The following SLC40A1 variants were observed in gnomAD, a reference collection of about 807,000 sequenced individuals.
SLC40A1 encodes the protein ferroportin.
SLC40A1 carries 16 observed loss-of-function variants against 53.5 expected under a neutral mutation model. That is an observed-to-expected ratio of 0.30 (90% CI 0.20 to 0.45). The LOEUF (loss-of-function observed/expected upper bound fraction) is 0.45, where lower values mean the gene tolerates loss of function less well. Among genes scored for constraint, SLC40A1 ranks in the 20% least tolerant of loss-of-function variants. The pLI, the probability that SLC40A1 is intolerant of heterozygous loss-of-function variation, is 1.00. For missense variants in SLC40A1, 545 were observed against 695.4 expected (o/e 0.78, Z 2.43); for synonymous variants, 247 against 253.2 (o/e 0.98, Z 0.23).
intron 4 of SLC40A1, 49 bp downstream of exon 4, chr2:189,572,797 C>G: frequency 6.8e-6 from 9 of 1,313,926 alleles, no homozygotes; most frequent in Non-Finnish European, 9.9e-6. Flanking sequence ...TCCTTTACCA[C>G]TACCAGATAT....
Position 189,572,062 on chromosome 2 carries a change from T to C in SLC40A1, c.388-221A>G, listed in dbSNP as rs1009312662. Among the ~76,000 whole-genome samples, 6 of 152,088 alleles carry C rather than the reference T, an allele frequency of 3.9e-5. No homozygotes were observed. The East Asian group carries it at 9.8e-4, about 25-fold the overall frequency. On this transcript the variant is annotated intron_variant, in intron 4 of 7. Transcript: ENST00000261024. ...CCTGTATCATCTAGATCATCTGTAGTACACATAATACAAAAATTATAATAG... is the reference window on the plus strand; with the variant it reads ...CCTGTATCATCTAGATCATCTGTAGCACACATAATACAAAAATTATAATAG...
chr2:189,572,942 C>A lies in SLC40A1; in HGVS notation c.291G>T (p.Val97=). ...ARLKVAQTSL[V]VQNVSVILCG... ...ACAGGATGACTGAAACATTCTGTAC[C>A]ACCAGCGAGGTCTGGGCCACTGTGC... The change falls in exon 4 of 8, where the codon GTG becomes GTT. Residue 97 remains valine, a synonymous_variant. Transcript: ENST00000261024. 1 of 1,613,508 alleles carries A rather than the reference C, an allele frequency of 6.2e-7. No individual in the cohort carries two copies. The highest frequency in any genetic ancestry group is 8.5e-7 in the Non-Finnish European group (1 of 1,179,490).
At chr2:189,576,055 G>A (rs1309261912) in intron 2 of SLC40A1, among the ~76,000 whole-genome samples, 3 of 152,276 alleles carry the variant, frequency 2.0e-5, no homozygotes, top group East Asian at 1.9e-4. Context: ...CACAAACTCC[G>A]GAGAATATAG....
intron 5 of SLC40A1, among the ~76,000 whole-genome samples, chr2:189,569,976 A>G (rs964381572): frequency 4.1e-5 from 6 of 146,250 alleles, no homozygotes; most frequent in African/African-American, 5.0e-5. Context: ...ATATGTATGT[A>G]TATATATACA....
intron 5 of SLC40A1, among the ~76,000 whole-genome samples, chr2:189,569,293 C>T (rs1192624789): frequency 6.6e-6 from 1 of 152,168 alleles, no homozygotes; most frequent in African/African-American, 2.4e-5. Context: ...TGGGCATACC[C>T]CTCCCCTTTC....
chr2:189,580,695 G>T lies in SLC40A1; in HGVS notation c.-235C>A. 1 of 1,460,138 alleles carries T rather than the reference G, an allele frequency of 6.8e-7. No homozygotes were observed. The highest frequency in any genetic ancestry group is 9.0e-7 in the Non-Finnish European group (1 of 1,108,048). 90.4% of individuals were successfully genotyped at this position (1,460,138 alleles called of 1,614,324 possible). ...TAACACTGTAGCTGAAGTTGGAAAGGCAAAGCCTTATGGAAGCGGTTTGGG... is the reference window on the plus strand; with the variant it reads ...TAACACTGTAGCTGAAGTTGGAAAGTCAAAGCCTTATGGAAGCGGTTTGGG... On this transcript the variant is annotated 5_prime_UTR_variant, in exon 1 of 8. Transcript: ENST00000261024.
rs143976296 is a variant in SLC40A1, at chr2:189,580,545, G to C, written c.-85C>G. ...AGGTGCTTGTTAACAGGAGTGCAAG[G>C]AACTGGAGATAGCACCTCTAAAAAC... On this transcript the variant is annotated 5_prime_UTR_variant, in exon 1 of 8. Coordinates refer to ENST00000261024, the MANE Select transcript of SLC40A1 (RefSeq NM_014585.6). The C allele has an allele frequency of 1.4e-5, 22 of 1,606,632 alleles. No homozygotes were observed. Among genetic ancestry groups the C allele is most frequent in the Non-Finnish European group, 1.9e-5 (22 of 1,179,516 alleles).
chr2:189,564,273 T>C (rs1268513678), intron 6 of SLC40A1, 48 bp from the exon 7 acceptor site: 4 of 1,547,498 alleles, frequency 2.6e-6, no homozygotes, highest in Non-Finnish European at 2.7e-6. Context: ...CATGTAGAAA[T>C]AAAAGCCAAT....
intron 5 of SLC40A1, 21 bp downstream of exon 5, chr2:189,571,694 T>C (rs763897037): frequency 3.1e-6 from 5 of 1,611,814 alleles, no homozygotes; most frequent in Non-Finnish European, 4.2e-6. Flanking sequence ...CTCATTTCAT[T>C]AAAAGAGAAA....
chr2:189,563,752 A>G lies in SLC40A1; in HGVS notation c.1234T>C (p.Phe412Leu), dbSNP rs2030834319. ...GGTGTAATTGACTCTCCTTGAATGA[A>G]CCTTGATCGGATATCTTCAAAAGGA... ...VSPFEDIRSR[F>L]IQGESITPTK... Residue 412 changes from phenylalanine to leucine, a missense_variant, in exon 7 of 8, where the codon TTC becomes CTC. This residue lies in a region of SLC40A1 where 234 missense variants were observed against 299.0 expected (regional missense o/e 0.78). Coordinates refer to ENST00000261024, the MANE Select transcript of SLC40A1 (RefSeq NM_014585.6). The G allele has an allele frequency of 1.9e-6, 3 of 1,614,030 alleles. No homozygotes were observed. The highest frequency in any genetic ancestry group is 2.7e-5 in the African/African-American group (2 of 74,892).
At chr2:189,569,786 A>G (rs1385355045) in intron 5 of SLC40A1, among the ~76,000 whole-genome samples, 2 of 152,224 alleles carry the variant, frequency 1.3e-5, no homozygotes, top group South Asian at 4.1e-4. Flanking sequence ...AAAACATCAG[A>G]AAGTTAGAAA....
rs1424266313 is a variant in SLC40A1 at position 189,561,556 on chromosome 2, A to G, written c.*322T>C. The G allele has an allele frequency of 1.1e-5, 3 of 283,560 alleles. No individual in the cohort carries two copies. The East Asian group carries it at 2.4e-4, about 23-fold the overall frequency. The allele number at this position is 283,560 out of a possible 1,614,324, so 17.6% of individuals were successfully genotyped here. A position where few individuals can be genotyped will look rare whatever the true frequency, so the allele number is the denominator to read the frequency against. ...AGTACAGATAAGAATCTGTCAAATG[A>G]TAACTGAATTCACGTGACTAACCAC... On this transcript the variant is annotated 3_prime_UTR_variant, in exon 8 of 8. Transcript: ENST00000261024.
chr2:189,567,947 G>A lies in SLC40A1; in HGVS notation c.515-2348C>T, dbSNP rs572941007. On this transcript the variant is annotated intron_variant, in intron 5 of 7. Transcript: ENST00000261024. Reference sequence around the variant, plus strand: ...TCAATAATTGGAATCCAAAAAGCAAGTAACTAAAGAAAACATATATTTGAA... The same window carrying A: ...TCAATAATTGGAATCCAAAAAGCAAATAACTAAAGAAAACATATATTTGAA... Among the ~76,000 whole-genome samples, 7 of 152,208 alleles carry A rather than the reference G, an allele frequency of 4.6e-5. No homozygotes were observed. In the South Asian group the frequency reaches 1.2e-3, roughly 27 times the overall value.
At chr2:189,562,299 T>A (rs1266717952) in intron 7 of SLC40A1, 108 bp from the exon 8 acceptor site, 1 of 827,158 alleles carries the variant, frequency 1.2e-6, no homozygotes, top group East Asian at 2.7e-5. Context: ...TTAGCCTGAC[T>A]GTCTTTAAGT....
intron 5 of SLC40A1, among the ~76,000 whole-genome samples, chr2:189,566,041 CGTGT>C (rs371020904): frequency 3.5e-4 from 52 of 150,098 alleles, no homozygotes; most frequent in Admixed American, 6.0e-4. Context: ...TGTGTGTGTG[CGTGT>C]GTGTGTGTGT....
At chr2:189,576,801 A>T (rs1312632133) in intron 2 of SLC40A1, among the ~76,000 whole-genome samples, 1 of 152,190 alleles carries the variant, frequency 6.6e-6, no homozygotes. Flanking sequence ...GTTAAGAAAC[A>T]CTTTTCTAAT....
chr2:189,574,948 AT>A (rs1245704426), intron 3 of SLC40A1, among the ~76,000 whole-genome samples: 1 of 152,210 alleles, frequency 6.6e-6, no homozygotes, highest in African/African-American at 2.4e-5. Context: ...ATACAAAAAA[AT>A]CTATTAGGTC....
intron 5 of SLC40A1, among the ~76,000 whole-genome samples, chr2:189,570,583 C>A (rs979154312): frequency 6.6e-6 from 1 of 152,182 alleles, no homozygotes; most frequent in Non-Finnish European, 1.5e-5. Flanking sequence ...CAGATTCACA[C>A]ATGCTAAATT....
Position 189,575,173 on chromosome 2 carries a change from C to T in SLC40A1, c.259G>A (p.Ala87Thr), listed in dbSNP as rs776750415. The change falls in exon 3 of 8, where the codon GCT becomes ACT. Residue 87 changes from alanine to threonine, a missense_variant. Ala to Thr is a moderately conservative substitution (Grantham distance 58, BLOSUM62 0). Around this residue, in one of 4 missense-constraint regions of SLC40A1, gnomAD observed 197 missense variants for 278.8 expected, o/e 0.71. Transcript: ENST00000261024. ...AIIGDWVDKN[A>T]RLKVAQTSLV... Reference sequence around the variant, plus strand: ...TAACAACACTCACCTTTAAGTCTAGCATTCTTGTCCACCCAGTCACCGATG... The same window carrying T: ...TAACAACACTCACCTTTAAGTCTAGTATTCTTGTCCACCCAGTCACCGATG... 6.2e-7 allele frequency: 1 copy of T among 1,614,064 alleles called. No homozygotes were observed. The highest frequency in any genetic ancestry group is 8.5e-7 in the Non-Finnish European group (1 of 1,179,946).
Sources: gnomAD v4.1 joint callset for allele counts (sites outside exome capture counted in the v4.1 genomes callset) on GRCh38, gnomAD v4.1.1 for gene constraint, gnomAD v4.1.1 regional missense constraint, MANE v1.5 for transcripts, NCBI Gene and HGNC (gene_info 2026-07-23, HGNC 2026-07-21) for gene names.